The following NKD1 variants were observed in gnomAD, a reference collection of about 807,000 sequenced individuals.
The protein encoded by NKD1 is NKD inhibitor of Wnt signaling pathway 1.
A neutral mutation model predicts 56.0 loss-of-function variants in NKD1; 21 were observed. The ratio of observed to expected loss-of-function variants is 0.38; its 90% CI spans 0.27 to 0.54. The LOEUF is 0.54. Ranked by LOEUF, NKD1 falls within the 20% of genes least tolerant of loss-of-function variation. The pLI is 0.82. For synonymous variants in NKD1, 263 were observed against 265.7 expected, an observed-to-expected ratio of 0.99 and a Z score of 0.10; for missense variants, 578 against 642.7, an observed-to-expected ratio of 0.90 and a Z score of 1.09.
chr16:50,619,211 T>G (rs1013923767), intron 4 of NKD1, among the ~76,000 whole-genome samples: 1 of 151,986 alleles, frequency 6.6e-6, no homozygotes, highest in Admixed American at 6.6e-5. Flanking sequence ...CTTCTTTCCC[T>G]CTGCTTGGGA....
chr16:50,579,607 G>T (rs899884725), intron 3 of NKD1, among the ~76,000 whole-genome samples: 3 of 130,792 alleles, frequency 2.3e-5, no homozygotes, highest in Admixed American at 7.3e-5. Flanking sequence ...CGCTACACAC[G>T]CACTCTAACC....
chr16:50,608,807 C>T lies in NKD1; in HGVS notation c.259+447C>T, dbSNP rs368732244. ...AGTGTGCACACACACACACAGCCAG[C>T]CTTTCACCTCTCTCCTCTGTTGTCC... On this transcript the variant is annotated intron_variant, in intron 4 of 9. Transcript: ENST00000268459. Among the ~76,000 whole-genome samples, 57 of 152,234 alleles carry T rather than the reference C, an allele frequency of 3.7e-4. No individual in the cohort carries two copies. The East Asian group carries it at 9.7e-3, about 26-fold the overall frequency.
At position 50,630,135 on chromosome 16, in the gene NKD1, A is replaced by G. The variant is rs749637543; in HGVS notation, c.463-51A>G. 5 of 1,579,766 alleles carry G rather than the reference A, an allele frequency of 3.2e-6. No individual in the cohort carries two copies. The South Asian group carries it at 5.6e-5, about 18-fold the overall frequency. Reference sequence around the variant, plus strand: ...ACCAGGCCCTCTGGTTTGTATTTTCAAGGCCCTGTGACTGAAACCCTGCAT... The same window carrying G: ...ACCAGGCCCTCTGGTTTGTATTTTCGAGGCCCTGTGACTGAAACCCTGCAT... On this transcript the variant is annotated intron_variant, in intron 6 of 9. Coordinates refer to ENST00000268459, the MANE Select transcript of NKD1 (RefSeq NM_033119.5).
At chr16:50,610,685 TA>T (rs1455519037) in intron 4 of NKD1, among the ~76,000 whole-genome samples, 1 of 152,214 alleles carries the variant, frequency 6.6e-6, no homozygotes, top group East Asian at 1.9e-4. Flanking sequence ...GGCGTGAAGA[TA>T]AAAAGAAGTC....
At chr16:50,603,770 C>T (rs566532818) in intron 3 of NKD1, among the ~76,000 whole-genome samples, 31 of 152,320 alleles carry the variant, frequency 2.0e-4, no homozygotes, top group African/African-American at 7.2e-4. Flanking sequence ...TATAAGGTAT[C>T]GTGCCTGGAT....
At chr16:50,627,827 G>A (rs956135186) in intron 6 of NKD1, among the ~76,000 whole-genome samples, 6 of 152,206 alleles carry the variant, frequency 3.9e-5, no homozygotes, top group African/African-American at 1.4e-4. Flanking sequence ...GGTCTGCTGG[G>A]ACCACCCCCA....
At chr16:50,599,011 G>T (rs768243213) in intron 3 of NKD1, among the ~76,000 whole-genome samples, 1 of 152,040 alleles carries the variant, frequency 6.6e-6, no homozygotes, top group African/African-American at 2.4e-5. Flanking sequence ...CCGTGTGTGT[G>T]TGGTCAGCAG....
In NKD1 at chr16:50,646,968, A is replaced by T. The variant is rs1299017787; in HGVS notation, c.*13187A>T. The T allele has an allele frequency of 6.6e-6, 1 of 152,214 alleles. No homozygotes were observed. Among genetic ancestry groups the T allele is most frequent in the African/African-American group, 2.4e-5 (1 of 41,430 alleles). 9.4% of individuals were successfully genotyped at this position (152,214 alleles called of 1,614,324 possible). A position where few individuals can be genotyped will look rare whatever the true frequency, so the allele number is the denominator to read the frequency against. ...GTCTCCCACATCCCCAGCCCCAGTA[A>T]CTAGCAGGGACACAGTCAACATTCA... On this transcript the variant is annotated 3_prime_UTR_variant, in exon 10 of 10. Transcript: ENST00000268459.
At chr16:50,566,690 G>A (rs1052410296) in intron 3 of NKD1, among the ~76,000 whole-genome samples, 1 of 152,236 alleles carries the variant, frequency 6.6e-6, no homozygotes, top group Admixed American at 6.5e-5. Flanking sequence ...AGCTGGCAAG[G>A]CTGGGTAAGG....
rs564743319 is a variant in NKD1 at position 50,562,994 on chromosome 16, C to G, written c.192+13439C>G. On this transcript the variant is annotated intron_variant, in intron 3 of 9. Coordinates refer to ENST00000268459, the MANE Select transcript of NKD1 (RefSeq NM_033119.5). ...TGCTAGGTCCCACCACCACCCCCCC[C>G]CCCCGCCGTAGAATGGGTAGAAGAA... 8.4e-3 allele frequency among the ~76,000 whole-genome samples: 1,100 copies of G among 131,288 alleles called. 38 individuals carry two copies. The highest frequency in any genetic ancestry group is 0.012 in the Non-Finnish European group (745 of 61,880). The allele number at this position is 131,288 out of a possible 152,430, so 86.1% of individuals were successfully genotyped here. A position where few individuals can be genotyped will look rare whatever the true frequency, so the allele number is the denominator to read the frequency against.
At chr16:50,549,321 C>T in intron 2 of NKD1, 101 bp from the exon 3 acceptor site, 3 of 1,450,716 alleles carry the variant, frequency 2.1e-6, no homozygotes, top group Non-Finnish European at 2.8e-6. Context: ...GCCCCCGTGC[C>T]GTGGTCCTTC....
At chr16:50,593,714 T>C (rs1961417402) in intron 3 of NKD1, among the ~76,000 whole-genome samples, 2 of 152,078 alleles carry the variant, frequency 1.3e-5, no homozygotes, top group South Asian at 4.1e-4. Flanking sequence ...CCAGATAAAA[T>C]ATAGGACACA....
chr16:50,569,760 C>T (rs1288190909), intron 3 of NKD1, among the ~76,000 whole-genome samples: 1 of 152,158 alleles, frequency 6.6e-6, no homozygotes, highest in Non-Finnish European at 1.5e-5. Flanking sequence ...AGTTCTTACT[C>T]CTTGTTGTAT....
rs1184187821 is a variant in NKD1, at chr16:50,633,658, G to C, written c.1290G>C (p.Glu430Asp). 7 of 1,604,740 alleles carry C rather than the reference G, an allele frequency of 4.4e-6. No homozygotes were observed. The African/African-American group carries it at 9.4e-5, about 21-fold the overall frequency. The change falls in exon 10 of 10, where the codon GAG becomes GAC. Residue 430 changes from glutamate (E) to aspartate (D), a missense_variant. Coordinates refer to ENST00000268459, the MANE Select transcript of NKD1 (RefSeq NM_033119.5). This position sits in a 1 kb window ranked among gnomAD's most constrained non-coding sequence, Gnocchi z 4.9. ...CAGGTGGCCCTGTCCTGGGGCGGGA[G>C]CACCTGCGGGAGCTGCCCGCCTTGG... is the stretch of plus-strand genomic sequence containing the variant. Reference protein sequence around the residue: ...LASGGPVLGREHLRELPALVV... With the variant: ...LASGGPVLGRDHLRELPALVV...
Position 50,618,147 on chromosome 16 carries a change from C to T in NKD1, c.260-3455C>T, listed in dbSNP as rs114021517. On this transcript the variant is annotated intron_variant, in intron 4 of 9. Transcript: ENST00000268459. ...CTTAGGCAAGTGAAAGGCCTTTTTTCCCCACCCGGTCTCCTGCTTTCCTTT... is the reference window on the plus strand; with the variant it reads ...CTTAGGCAAGTGAAAGGCCTTTTTTTCCCACCCGGTCTCCTGCTTTCCTTT... Among the ~76,000 whole-genome samples, 783 of 152,196 alleles carry T rather than the reference C, an allele frequency of 5.1e-3. 8 individuals carry two copies. Among genetic ancestry groups the T allele is most frequent in the African/African-American group, 0.018 (741 of 41,530 alleles).
At position 50,620,859 on chromosome 16, in the gene NKD1, C is replaced by T. The variant is rs962065240; in HGVS notation, c.260-743C>T. Among the ~76,000 whole-genome samples, 24 of 152,164 alleles carry T rather than the reference C, an allele frequency of 1.6e-4. 1 individual carries two copies. Among genetic ancestry groups the T allele is most frequent in the Non-Finnish European group, 2.9e-4 (20 of 68,032 alleles). On this transcript the variant is annotated intron_variant, in intron 4 of 9. Transcript: ENST00000268459. ...TTTCCTGGCAGGCCACACACAGGAC[C>T]GTGACCTTTGGCAGAGAGGGGAGGA...
chr16:50,625,441 T>C, intron 5 of NKD1, 44 bp from the exon 6 acceptor site: 1 of 1,367,160 alleles, frequency 7.3e-7, no homozygotes, highest in South Asian at 1.2e-5. Flanking sequence ...CAGTCAGTGT[T>C]GCCACAGATA....
chr16:50,605,824 A>G (rs1281808254), intron 3 of NKD1, among the ~76,000 whole-genome samples: 2 of 152,226 alleles, frequency 1.3e-5, no homozygotes, highest in East Asian at 1.9e-4. Flanking sequence ...TGCCTGACAC[A>G]TGGAAAATGC....
chr16:50,614,277 C>T (rs1336319555), intron 4 of NKD1, among the ~76,000 whole-genome samples: 1 of 152,158 alleles, frequency 6.6e-6, no homozygotes, highest in African/African-American at 2.4e-5. Flanking sequence ...ACTTTTGGCT[C>T]ATGAAATTGA....
Sources: gnomAD v4.1 joint callset for allele counts (sites outside exome capture counted in the v4.1 genomes callset) on GRCh38, gnomAD v4.1.1 for gene constraint, Gnocchi (gnomAD v3.1) non-coding constraint, MANE v1.5 for transcripts, NCBI Gene and HGNC (gene_info 2026-07-23, HGNC 2026-07-21) for gene names.